TNN: variants seen among roughly 807,000 people sequenced by gnomAD.
TNN encodes tenascin N.
Under a neutral mutation model 134.4 loss-of-function variants are expected in TNN, and 122 were observed. That is an observed-to-expected ratio of 0.91 (90% CI 0.78 to 1.06). The LOEUF is 1.06. Ranked by LOEUF, TNN falls within the 50% of genes least tolerant of loss-of-function variation. The probability of loss-of-function intolerance (pLI) is 0.00; values close to 1 mark genes in which losing one functional copy is unlikely to be tolerated. For synonymous variants in TNN, 710 were observed against 670.3 expected (o/e 1.06, Z -0.91); for missense variants, 1,739 against 1,699.4 (o/e 1.02, Z -0.41).
At chr1:175,068,002 A>C (rs1285644908) in intron 1 of TNN, 67 bp downstream of exon 1, 5 of 452,324 alleles carry the variant, frequency 1.1e-5, no homozygotes, top group African/African-American at 4.0e-5. Context: ...AGATGAGCTC[A>C]AAAGTGGTGG....
intron 9 of TNN, among the ~76,000 whole-genome samples, chr1:175,109,309 C>T (rs1037023955): frequency 4.0e-5 from 6 of 149,772 alleles, no homozygotes; most frequent in African/African-American, 9.9e-5. Flanking sequence ...AGGATGGTCT[C>T]GATCTCCTGA....
intron 7 of TNN, among the ~76,000 whole-genome samples, chr1:175,097,151 T>G (rs1674589678): frequency 6.6e-6 from 1 of 152,192 alleles, no homozygotes; most frequent in South Asian, 2.1e-4. Flanking sequence ...ACCAATTATT[T>G]TTATCCCAAA....
chr1:175,097,893 G>A (rs1000773797), intron 8 of TNN, among the ~76,000 whole-genome samples: 17 of 152,222 alleles, frequency 1.1e-4, no homozygotes, highest in African/African-American at 4.1e-4. Context: ...CACTGAAAGA[G>A]AGAAGTAAAG....
At chr1:175,127,816 A>G (rs572095443) in intron 13 of TNN, among the ~76,000 whole-genome samples, 1 of 152,302 alleles carries the variant, frequency 6.6e-6, no homozygotes, top group South Asian at 2.1e-4. Flanking sequence ...TTCTCAGCTG[A>G]TGCTCCCAGT....
intron 11 of TNN, among the ~76,000 whole-genome samples, chr1:175,119,993 C>T (rs4322192): frequency 0.016 from 2,472 of 152,284 alleles, 58 homozygotes; most frequent in African/African-American, 0.056. Flanking sequence ...TTGTGTCTCT[C>T]AGCTATAGGA....
At chr1:175,076,175 A>G (rs1195509651) in intron 1 of TNN, among the ~76,000 whole-genome samples, 5 of 152,150 alleles carry the variant, frequency 3.3e-5, no homozygotes. Flanking sequence ...TTGGGGGCAC[A>G]AGGGGAAATG....
chr1:175,067,999 C>G, intron 1 of TNN, 64 bp downstream of exon 1: 11 of 452,738 alleles, frequency 2.4e-5, no homozygotes, highest in South Asian at 1.7e-4. Context: ...TGCAGATGAG[C>G]TCAAAAGTGG....
At chr1:175,120,629 A>G (rs1463937718) in intron 11 of TNN, among the ~76,000 whole-genome samples, 1 of 152,150 alleles carries the variant, frequency 6.6e-6, no homozygotes. Flanking sequence ...GGGACATTGC[A>G]CATATCAGCC....
chr1:175,091,527 C>A (rs903982542), intron 6 of TNN, among the ~76,000 whole-genome samples: 1 of 151,356 alleles, frequency 6.6e-6, no homozygotes, highest in Non-Finnish European at 1.5e-5. Context: ...CATGATGGAT[C>A]TTTCCTTTAT....
chr1:175,083,927 A>ACATCACTGGTAAGAGC lies in TNN; in HGVS notation c.1234+2_1234+17dup. 1 of 1,613,872 alleles carries ACATCACTGGTAAGAGC rather than the reference A, an allele frequency of 6.2e-7. No individual in the cohort carries two copies. Among genetic ancestry groups the ACATCACTGGTAAGAGC allele is most frequent in the Non-Finnish European group, 8.5e-7 (1 of 1,179,906 alleles). On this transcript the variant is annotated frameshift_variant, in exon 5 of 19. Transcript: ENST00000239462. LOFTEE classifies it high-confidence loss of function. ...AGCAGTGACCCCAAGAGCCGATATG[A>ACATCACTGGTAAGAGC]CATCACTGGTAAGAGCCATCACTGG...
At chr1:175,089,153 A>G (rs1674384680) in intron 6 of TNN, among the ~76,000 whole-genome samples, 1 of 152,232 alleles carries the variant, frequency 6.6e-6, no homozygotes. Context: ...ACCTGGCTAG[A>G]CTGTTAATTA....
chr1:175,085,606 G>T, intron 6 of TNN, 112 bp downstream of exon 6: 2 of 783,540 alleles, frequency 2.6e-6, no homozygotes, highest in Non-Finnish European at 4.4e-6. Flanking sequence ...CAGACGGGGT[G>T]GCTCACGCCT....
chr1:175,084,569 T>A (rs1674281811), intron 5 of TNN, among the ~76,000 whole-genome samples: 1 of 152,190 alleles, frequency 6.6e-6, no homozygotes, highest in African/African-American at 2.4e-5. Flanking sequence ...GAATACCCAA[T>A]CAGGTACAAG....
chr1:175,111,181 G>A (rs1249002737), intron 9 of TNN, among the ~76,000 whole-genome samples: 2 of 152,162 alleles, frequency 1.3e-5, no homozygotes, highest in African/African-American at 4.8e-5. Flanking sequence ...AGCTGAATGT[G>A]GTGGCAGGTG....
At chr1:175,133,954 C>A (rs1675735847) in intron 15 of TNN, among the ~76,000 whole-genome samples, 1 of 152,090 alleles carries the variant, frequency 6.6e-6, no homozygotes, top group African/African-American at 2.4e-5. Context: ...GAGAACCCAC[C>A]CACACACAAA....
At chr1:175,115,960 C>T (rs1211076396) in intron 9 of TNN, among the ~76,000 whole-genome samples, 1 of 152,190 alleles carries the variant, frequency 6.6e-6, no homozygotes, top group African/African-American at 2.4e-5. Context: ...GTGTTTCCTT[C>T]TGTTCTCTAT....
At chr1:175,131,045 TG>T (rs1246904529) in intron 15 of TNN, among the ~76,000 whole-genome samples, 1 of 151,788 alleles carries the variant, frequency 6.6e-6, no homozygotes, top group Non-Finnish European at 1.5e-5. Context: ...ACAGTTTTTT[TG>T]GGGGGGTTCA....
chr1:175,111,513 A>AG (rs1675025211), intron 9 of TNN, among the ~76,000 whole-genome samples: 1 of 147,968 alleles, frequency 6.8e-6, no homozygotes, highest in Non-Finnish European at 1.5e-5. Flanking sequence ...AAAAAAAAAA[A>AG]AAAGAATTGT....
At chr1:175,069,497 G>C (rs1673872425) in intron 1 of TNN, among the ~76,000 whole-genome samples, 1 of 152,208 alleles carries the variant, frequency 6.6e-6, no homozygotes, top group African/African-American at 2.4e-5. Context: ...CCAGTCCAGT[G>C]CTGCTCTGTG....
Sources: allele counts gnomAD v4.1 joint callset (sites outside exome capture counted in the v4.1 genomes callset), GRCh38; gene constraint gnomAD v4.1.1; transcripts MANE v1.5; gene names NCBI Gene and HGNC (gene_info 2026-07-23, HGNC 2026-07-21).